The following GLRB variants were observed in gnomAD, a reference collection of about 807,000 sequenced individuals.
The protein encoded by GLRB is glycine receptor subunit beta.
Under a neutral mutation model 54.2 loss-of-function variants are expected in GLRB, and 33 were observed. The ratio of observed to expected loss-of-function variants is 0.61; its 90% CI spans 0.46 to 0.81. GLRB has a LOEUF of 0.81. Ranked by LOEUF, GLRB falls within the 40% of genes least tolerant of loss-of-function variation. The pLI is 0.00. For missense variants in GLRB, 572 were observed against 584.6 expected, an observed-to-expected ratio of 0.98 and a Z score of 0.22; for synonymous variants, 209 against 208.2, an observed-to-expected ratio of 1.00 and a Z score of -0.03.
intron 7 of GLRB, among the ~76,000 whole-genome samples, chr4:157,141,133 G>A (rs1323025010): frequency 6.6e-6 from 1 of 151,748 alleles, no homozygotes; most frequent in East Asian, 1.9e-4. Context: ...ATGGAATTTG[G>A]GGGATTACTC....
At chr4:157,106,655 C>T (rs766631256) in intron 2 of GLRB, among the ~76,000 whole-genome samples, 22 of 151,784 alleles carry the variant, frequency 1.4e-4, no homozygotes, top group Non-Finnish European at 2.4e-4. Flanking sequence ...CTTGAGGCTC[C>T]CTGGTATTTG....
chr4:157,100,420 T>A (rs767431409), intron 2 of GLRB, among the ~76,000 whole-genome samples: 1 of 152,200 alleles, frequency 6.6e-6, no homozygotes, highest in Non-Finnish European at 1.5e-5. Flanking sequence ...ATTATTTGCT[T>A]CTCTTTTCTG....
intron 9 of GLRB, among the ~76,000 whole-genome samples, chr4:157,158,195 A>G (rs549854773): frequency 1.7e-4 from 26 of 151,488 alleles, no homozygotes; most frequent in African/African-American, 6.3e-4. Flanking sequence ...TTTTTCTTGT[A>G]AATTTGTTTA....
At chr4:157,091,896 C>T (rs1340121467) in intron 2 of GLRB, among the ~76,000 whole-genome samples, 3 of 152,152 alleles carry the variant, frequency 2.0e-5, no homozygotes, top group Admixed American at 1.3e-4. Context: ...TTACATCCCT[C>T]CTTATCCTTC....
intron 2 of GLRB, among the ~76,000 whole-genome samples, chr4:157,089,213 G>T (rs558762602): frequency 2.6e-5 from 4 of 151,942 alleles, no homozygotes; most frequent in Non-Finnish European, 4.4e-5. Flanking sequence ...AACATAGTGA[G>T]ACCTTGTCTC....
At chr4:157,114,406 A>G (rs977928773) in intron 2 of GLRB, among the ~76,000 whole-genome samples, 1 of 151,344 alleles carries the variant, frequency 6.6e-6, no homozygotes, top group Non-Finnish European at 1.5e-5. Flanking sequence ...AAAAATTTCC[A>G]AGGTAGTACA....
At chr4:157,110,318 A>C (rs929228085) in intron 2 of GLRB, among the ~76,000 whole-genome samples, 20 of 150,780 alleles carry the variant, frequency 1.3e-4, no homozygotes, top group African/African-American at 4.4e-4. Flanking sequence ...GTGTCTTATA[A>C]GACCCTTTTC....
intron 6 of GLRB, among the ~76,000 whole-genome samples, chr4:157,137,672 A>C (rs1736454755): frequency 6.6e-6 from 1 of 152,120 alleles, no homozygotes; most frequent in South Asian, 2.1e-4. Context: ...TGGATCCTAA[A>C]TTTGAGCAGT....
chr4:157,125,769 C>T (rs1735994723), intron 4 of GLRB, among the ~76,000 whole-genome samples: 1 of 151,780 alleles, frequency 6.6e-6, no homozygotes, highest in East Asian at 2.0e-4. Flanking sequence ...CCCGTCTGTA[C>T]TAAAAATACA....
intron 9 of GLRB, among the ~76,000 whole-genome samples, chr4:157,166,963 T>TTA (rs1286252200): frequency 6.6e-6 from 1 of 152,122 alleles, no homozygotes; most frequent in Admixed American, 6.6e-5. Context: ...GTGGCCTAGG[T>TTA]TATAATATTA....
chr4:157,163,421 G>A (rs2126626778), intron 9 of GLRB, among the ~76,000 whole-genome samples: 1 of 152,196 alleles, frequency 6.6e-6, no homozygotes, highest in South Asian at 2.1e-4. Context: ...GGGGTAGACT[G>A]GAGCTGTTCC....
chr4:157,124,505 C>T (rs1314996740), intron 4 of GLRB, among the ~76,000 whole-genome samples: 3 of 151,714 alleles, frequency 2.0e-5, no homozygotes, highest in Non-Finnish European at 4.4e-5. Context: ...ACATTAGGCA[C>T]TCAATGGTGA....
intron 7 of GLRB, among the ~76,000 whole-genome samples, chr4:157,143,389 A>C (rs558504414): frequency 1.3e-4 from 20 of 151,856 alleles, no homozygotes; most frequent in Non-Finnish European, 2.6e-4. Flanking sequence ...TATACTGATA[A>C]TGTGTAGTCC....
rs1736434556 is a variant in GLRB at position 157,137,162 on chromosome 4, A to G, written c.610+276A>G. 2.0e-5 allele frequency among the ~76,000 whole-genome samples: 3 copies of G among 152,272 alleles called. No homozygotes were observed. In the South Asian group the frequency reaches 6.2e-4, roughly 32 times the overall value. ...GTTGCCATTGTTATTTGAGTTGGTA[A>G]TACAGGCAAGGTAAAAGAGAAAATG... On this transcript the variant is annotated intron_variant, in intron 6 of 9. Transcript: ENST00000264428.
intron 6 of GLRB, among the ~76,000 whole-genome samples, chr4:157,138,273 A>C (rs182260146): frequency 8.5e-5 from 13 of 152,162 alleles, no homozygotes; most frequent in African/African-American, 2.9e-4. Context: ...ATGGGGTTTC[A>C]CTATATTGGC....
rs140434735 is a variant in GLRB, at chr4:157,159,640, G to T, written c.1197+6630G>T. 2.2e-3 allele frequency among the ~76,000 whole-genome samples: 333 copies of T among 152,246 alleles called. 1 individual carries two copies. The highest frequency in any genetic ancestry group is 7.6e-3 in the African/African-American group (317 of 41,548). On this transcript the variant is annotated intron_variant, in intron 9 of 9. Coordinates refer to ENST00000264428, the MANE Select transcript of GLRB (RefSeq NM_000824.5). ...GTTTATAGGATGGGTTACATTTATTGATTTGCATATGTTGAACCAGCCTTG... is the reference window on the plus strand; with the variant it reads ...GTTTATAGGATGGGTTACATTTATTTATTTGCATATGTTGAACCAGCCTTG...
chr4:157,169,150 TATTA>T (rs1302312648), intron 9 of GLRB, among the ~76,000 whole-genome samples: 1 of 152,098 alleles, frequency 6.6e-6, no homozygotes, highest in Non-Finnish European at 1.5e-5. Context: ...TTAGTCAATG[TATTA>T]ATTATATTAA....
chr4:157,080,680 C>A (rs1490639905), intron 2 of GLRB, among the ~76,000 whole-genome samples: 1 of 152,116 alleles, frequency 6.6e-6, no homozygotes. Flanking sequence ...TATTAAACAT[C>A]TTGACTAAGA....
At chr4:157,130,451 G>C (rs1736173554) in intron 4 of GLRB, among the ~76,000 whole-genome samples, 2 of 151,384 alleles carry the variant, frequency 1.3e-5, no homozygotes, top group Admixed American at 1.3e-4. Context: ...TGTGTTTCTT[G>C]TTTTTGTTTT....
Sources: allele counts gnomAD v4.1 joint callset (sites outside exome capture counted in the v4.1 genomes callset), GRCh38; gene constraint gnomAD v4.1.1; transcripts MANE v1.5; gene names NCBI Gene and HGNC (gene_info 2026-07-23, HGNC 2026-07-21).